LRGUK: variants seen among roughly 807,000 people sequenced by gnomAD.
LRGUK encodes leucine-rich repeat and guanylate kinase domain-containing protein.
A neutral mutation model predicts 76.0 loss-of-function variants in LRGUK; 65 were observed. The ratio of observed to expected loss-of-function variants is 0.85; its 90% CI spans 0.70 to 1.05. LRGUK has a LOEUF of 1.05. Among genes scored for constraint, LRGUK ranks in the 50% least tolerant of loss-of-function variants. LRGUK has a pLI of 0.00. For missense variants in LRGUK, 758 were observed against 732.8 expected, an observed-to-expected ratio of 1.03 and a Z score of -0.40; for synonymous variants, 268 against 265.6, an observed-to-expected ratio of 1.01 and a Z score of -0.09.
intron 2 of LRGUK, among the ~76,000 whole-genome samples, chr7:134,137,879 T>G (rs1187686210): frequency 1.3e-5 from 2 of 152,072 alleles, no homozygotes; most frequent in African/African-American, 4.8e-5. Flanking sequence ...ACATTGAAAT[T>G]TTACCATGGC....
chr7:134,263,774 C>T (rs781482859), intron 19 of LRGUK, 71 bp from the exon 20 acceptor site: 229 of 1,407,774 alleles, frequency 1.6e-4, no homozygotes, highest in Admixed American at 3.0e-4. Context: ...GTGCTTATAT[C>T]ATGCAACACT....
At chr7:134,157,084 C>T (rs1798495935) in intron 5 of LRGUK, among the ~76,000 whole-genome samples, 1 of 152,022 alleles carries the variant, frequency 6.6e-6, no homozygotes, top group Non-Finnish European at 1.5e-5. Flanking sequence ...TAGGTGACTA[C>T]AAGATGGAAC....
chr7:134,151,336 T>C (rs1046690241), intron 5 of LRGUK, among the ~76,000 whole-genome samples: 1 of 152,078 alleles, frequency 6.6e-6, no homozygotes, highest in Non-Finnish European at 1.5e-5. Context: ...AGAAAAATAT[T>C]ACACATCAGT....
chr7:134,268,715 A>ATTTTTTT (rs1802904887), downstream of LRGUK, among the ~76,000 whole-genome samples: 4 of 111,866 alleles, frequency 3.6e-5, no homozygotes, highest in African/African-American at 1.3e-4. Context: ...TATGCAAAAA[A>ATTTTTTT]TCTTTTTTTT....
At chr7:134,229,907 A>C (rs986071445) in intron 16 of LRGUK, among the ~76,000 whole-genome samples, 2 of 152,204 alleles carry the variant, frequency 1.3e-5, no homozygotes, top group African/African-American at 4.8e-5. Context: ...GATTATCTAT[A>C]AAATGTGAAA....
At chr7:134,177,514 A>G (rs1799531837) in intron 9 of LRGUK, among the ~76,000 whole-genome samples, 1 of 152,000 alleles carries the variant, frequency 6.6e-6, no homozygotes, top group Non-Finnish European at 1.5e-5. Context: ...TTAAATCCTT[A>G]ATTCTGCTCT....
rs968776070 is a variant in LRGUK at position 134,171,041 on chromosome 7, C to T, written c.940-3515C>T. 1.4e-4 allele frequency among the ~76,000 whole-genome samples: 22 copies of T among 152,132 alleles called. 4 individuals are homozygous for T. Among genetic ancestry groups the T allele is most frequent in the Admixed American group, 7.8e-4 (12 of 15,288 alleles). The stretch of plus-strand genomic sequence containing the variant: ...TAAGATTCTACTAAGATACAGAAAA[C>T]GTAAATAAAACTATTTGTCTTTAGT... On this transcript the variant is annotated intron_variant, in intron 7 of 15. Transcript: ENST00000645682.
chr7:134,205,553 A>G (rs1224016953), intron 15 of LRGUK, among the ~76,000 whole-genome samples: 1 of 152,250 alleles, frequency 6.6e-6, no homozygotes, highest in East Asian at 1.9e-4. Context: ...AAAAAACAAT[A>G]GTTTTAGTAT....
At chr7:134,169,343 A>G (rs1303420985) in intron 7 of LRGUK, among the ~76,000 whole-genome samples, 1 of 152,158 alleles carries the variant, frequency 6.6e-6, no homozygotes, top group Non-Finnish European at 1.5e-5. Context: ...AGGACTGCTG[A>G]CACCTTGATT....
intron 15 of LRGUK, among the ~76,000 whole-genome samples, chr7:134,206,608 C>T (rs1324954949): frequency 6.6e-6 from 1 of 151,152 alleles, no homozygotes; most frequent in Non-Finnish European, 1.5e-5. Context: ...ATAGAATTGT[C>T]TTATTTTCCC....
intron 16 of LRGUK, among the ~76,000 whole-genome samples, chr7:134,235,666 C>G (rs139218285): frequency 3.2e-4 from 48 of 152,272 alleles, no homozygotes; most frequent in Middle Eastern, 3.4e-3. Context: ...CATTGTTACT[C>G]CCTGATGTAT....
intron 10 of LRGUK, among the ~76,000 whole-genome samples, chr7:134,182,213 CATGGCGTGAAAGT>C: frequency 6.6e-6 from 1 of 152,182 alleles, no homozygotes; most frequent in Admixed American, 6.5e-5. Context: ...CGTAGCATTC[CATGGCGTGAAAGT>C]ATCACAGTTA....
chr7:134,248,244 G>T (rs1164194136), intron 17 of LRGUK, among the ~76,000 whole-genome samples: 1 of 152,212 alleles, frequency 6.6e-6, no homozygotes, highest in African/African-American at 2.4e-5. Context: ...CTGCCCAGCA[G>T]AATGCCAGGC....
intron 5 of LRGUK, among the ~76,000 whole-genome samples, chr7:134,149,454 A>G (rs1798112948): frequency 6.6e-6 from 1 of 152,224 alleles, no homozygotes. Flanking sequence ...GATAAGGCTG[A>G]TACGAGGGAC....
chr7:134,177,879 T>C (rs1039324755), intron 9 of LRGUK, among the ~76,000 whole-genome samples: 1 of 152,204 alleles, frequency 6.6e-6, no homozygotes, highest in East Asian at 1.9e-4. Context: ...TTTAAAACCA[T>C]GTATTAAGTA....
intron 12 of LRGUK, among the ~76,000 whole-genome samples, chr7:134,193,901 C>T (rs1207803045): frequency 4.6e-5 from 7 of 152,154 alleles, no homozygotes; most frequent in East Asian, 1.9e-4. Flanking sequence ...TGCTCTGACA[C>T]GTACAACACA....
In LRGUK at chr7:134,258,517, G is replaced by A. The variant is rs551139262; in HGVS notation, c.2347+112G>A. The A allele has an allele frequency of 1.9e-4, 188 of 971,048 alleles. 1 individual carries two copies. The Middle Eastern group carries it at 4.4e-3, about 23-fold the overall frequency. The allele number at this position is 971,048 out of a possible 1,614,324, so 60.2% of individuals were successfully genotyped here. ...GTTCGAGACCAGCCTGGCCAAAATT[G>A]TGAAACCCCATCTCTACTAAAAATA... On this transcript the variant is annotated intron_variant, in intron 19 of 19. Transcript: ENST00000285928.
intron 10 of LRGUK, among the ~76,000 whole-genome samples, chr7:134,181,227 G>A (rs551820088): frequency 1.3e-5 from 2 of 152,184 alleles, no homozygotes; most frequent in Admixed American, 6.5e-5. Context: ...ATTCTTGCAT[G>A]TTATAACAAT....
At chr7:134,253,284 A>C (rs868278668) in intron 18 of LRGUK, among the ~76,000 whole-genome samples, 2 of 152,242 alleles carry the variant, frequency 1.3e-5, no homozygotes, top group African/African-American at 4.8e-5. Flanking sequence ...ATCAACTTTG[A>C]CAGTGAAAAG....
Sources: allele counts gnomAD v4.1 joint callset (sites outside exome capture counted in the v4.1 genomes callset), GRCh38; gene constraint gnomAD v4.1.1; transcripts MANE v1.5; gene names NCBI Gene and HGNC (gene_info 2026-07-23, HGNC 2026-07-21).